Variants in FARS2 observed in about 807,000 individuals in gnomAD.
FARS2 encodes phenylalanyl-tRNA synthetase 2, mitochondrial.
FARS2 carries 40 observed loss-of-function variants against 46.4 expected under a neutral mutation model. The observed-to-expected ratio is 0.86, with a 90% CI of 0.67 to 1.12. The LOEUF (loss-of-function observed/expected upper bound fraction) is 1.12. Ranked by LOEUF, FARS2 falls within the 50% of genes most tolerant of loss-of-function variation. FARS2 has a pLI of 0.00. For missense variants in FARS2, 513 were observed against 567.9 expected (o/e 0.90, Z 0.98); for synonymous variants, 234 against 214.9 (o/e 1.09, Z -0.78).
At chr6:5,674,092 T>C (rs1778625297) in intron 6 of FARS2, among the ~76,000 whole-genome samples, 1 of 151,248 alleles carries the variant, frequency 6.6e-6, no homozygotes, top group Non-Finnish European at 1.5e-5. Context: ...GGTTTATGTA[T>C]ATGTTTTATT....
At chr6:5,432,338 ATATATATATATAT>A (rs1162533655) in intron 4 of FARS2, among the ~76,000 whole-genome samples, 4,889 of 42,066 alleles carry the variant, frequency 0.12, 165 homozygotes, top group Non-Finnish European at 0.17. Context: ...ATATATATAT[ATATATATATATAT>A]TATATATATA....
At chr6:5,683,465 C>G (rs1474994458) in intron 6 of FARS2, among the ~76,000 whole-genome samples, 1 of 152,080 alleles carries the variant, frequency 6.6e-6, no homozygotes, top group Non-Finnish European at 1.5e-5. Context: ...TCCTCACTCC[C>G]AGAATTCCCT....
At chr6:5,447,359 T>A (rs987437999) in intron 4 of FARS2, among the ~76,000 whole-genome samples, 5 of 152,164 alleles carry the variant, frequency 3.3e-5, no homozygotes, top group Admixed American at 2.0e-4. Flanking sequence ...TAGTTCTGAT[T>A]GCAGCTTTCC....
At chr6:5,637,645 A>G (rs920269898) in intron 6 of FARS2, among the ~76,000 whole-genome samples, 2 of 152,352 alleles carry the variant, frequency 1.3e-5, no homozygotes, top group East Asian at 1.9e-4. Flanking sequence ...CTAGGGCTGC[A>G]TAATAAACAC....
At chr6:5,279,462 CAA>C (rs2127849403) in intron 1 of FARS2, among the ~76,000 whole-genome samples, 1 of 149,568 alleles carries the variant, frequency 6.7e-6, no homozygotes, top group South Asian at 2.1e-4. Context: ...AACAGAATGA[CAA>C]GTGTATATAA....
chr6:5,382,855 A>G (rs1288081889), intron 2 of FARS2, among the ~76,000 whole-genome samples: 1 of 152,238 alleles, frequency 6.6e-6, no homozygotes, highest in African/African-American at 2.4e-5. Context: ...AGAAGAGCCA[A>G]TGGAGTCCAA....
intron 4 of FARS2, among the ~76,000 whole-genome samples, chr6:5,497,528 G>A (rs1158629418): frequency 6.6e-6 from 1 of 152,192 alleles, no homozygotes; most frequent in Non-Finnish European, 1.5e-5. Context: ...AACATTGGGT[G>A]TTGATTTCAT....
chr6:5,532,073 C>T (rs951722014), intron 4 of FARS2, among the ~76,000 whole-genome samples: 5 of 152,208 alleles, frequency 3.3e-5, no homozygotes, highest in African/African-American at 4.8e-5. Context: ...ACCCAACATT[C>T]AGAAGAGAAA....
intron 1 of FARS2, among the ~76,000 whole-genome samples, chr6:5,264,767 TAAG>T (rs1765436282): frequency 6.6e-6 from 1 of 152,132 alleles, no homozygotes; most frequent in Admixed American, 6.5e-5. Context: ...TCCCCACCCC[TAAG>T]AAACTTGTAG....
At chr6:5,623,530 G>C (rs901474269) in intron 6 of FARS2, among the ~76,000 whole-genome samples, 78 of 152,102 alleles carry the variant, frequency 5.1e-4, no homozygotes, top group Non-Finnish European at 3.2e-4. Flanking sequence ...TGACCAATGT[G>C]GTGAAACCCC....
At chr6:5,656,260 C>T (rs1777602512) in intron 6 of FARS2, among the ~76,000 whole-genome samples, 1 of 152,212 alleles carries the variant, frequency 6.6e-6, no homozygotes, top group Admixed American at 6.5e-5. Flanking sequence ...ACTGGCTTTG[C>T]TGTGGAAGCC....
rs71657436 is a variant in FARS2, at chr6:5,521,371, G to GA, written c.905-23794dup. ...TATGATATTTGTCTTTTTCTACTAA[G>GA]AAAAAAAAAAAAAAAGATGAGGATA... On this transcript the variant is annotated intron_variant, in intron 4 of 6. Coordinates refer to ENST00000274680, the MANE Select transcript of FARS2 (RefSeq NM_006567.5). Among the ~76,000 whole-genome samples the GA allele has an allele frequency of 7.4e-3, 914 of 124,014 alleles. 1 individual carries two copies. Among genetic ancestry groups the GA allele is most frequent in the Non-Finnish European group, 0.01 (600 of 57,330 alleles). The allele number at this position is 124,014 out of a possible 152,430, so 81.4% of individuals were successfully genotyped here.
At chr6:5,292,498 C>G (rs1219957942) in intron 1 of FARS2, among the ~76,000 whole-genome samples, 3 of 152,034 alleles carry the variant, frequency 2.0e-5, no homozygotes, top group Admixed American at 2.0e-4. Context: ...TCAGGCCTGG[C>G]CCCTGACTGG....
chr6:5,692,265 G>A (rs184618106), intron 6 of FARS2, among the ~76,000 whole-genome samples: 13 of 152,268 alleles, frequency 8.5e-5, no homozygotes, highest in African/African-American at 2.4e-4. Context: ...GAAATCACCC[G>A]TCTTCTGCAT....
At chr6:5,652,201 C>A (rs1777402264) in intron 6 of FARS2, among the ~76,000 whole-genome samples, 1 of 152,116 alleles carries the variant, frequency 6.6e-6, no homozygotes. Flanking sequence ...CCAGAAGTAG[C>A]AAGAAAAATA....
At chr6:5,718,985 TG>T (rs1257356544) in intron 6 of FARS2, among the ~76,000 whole-genome samples, 1 of 152,196 alleles carries the variant, frequency 6.6e-6, no homozygotes. Flanking sequence ...CCTGAGTGCT[TG>T]CACCTTATGC....
intron 6 of FARS2, among the ~76,000 whole-genome samples, chr6:5,628,148 C>T (rs1449628600): frequency 6.6e-6 from 1 of 152,152 alleles, no homozygotes; most frequent in East Asian, 1.9e-4. Flanking sequence ...CCTGGGAAAC[C>T]CTTTCTGACA....
intron 6 of FARS2, among the ~76,000 whole-genome samples, chr6:5,690,003 C>A (rs1487390766): frequency 2.0e-5 from 3 of 152,052 alleles, no homozygotes; most frequent in African/African-American, 4.8e-5. Context: ...CTGTTTTATC[C>A]AAGACTAGGA....
At chr6:5,721,859 G>A (rs1759931101) in intron 6 of FARS2, among the ~76,000 whole-genome samples, 1 of 152,206 alleles carries the variant, frequency 6.6e-6, no homozygotes. Context: ...ATGAAAAAGA[G>A]TTGCTGGTTC....
Sources: gnomAD v4.1 joint callset for allele counts (sites outside exome capture counted in the v4.1 genomes callset) on GRCh38, gnomAD v4.1.1 for gene constraint, MANE v1.5 for transcripts, NCBI Gene and HGNC (gene_info 2026-07-23, HGNC 2026-07-21) for gene names.